The following MTA1 variants were observed in gnomAD, a reference collection of about 807,000 sequenced individuals.
MTA1 encodes metastasis associated 1, also known as metastasis-associated protein MTA1.
In MTA1, 15 loss-of-function variants were observed where a neutral mutation model predicts 97.0. The ratio of observed to expected loss-of-function variants is 0.15; its 90% CI spans 0.10 to 0.24. The LOEUF (loss-of-function observed/expected upper bound fraction) is 0.24, where lower values mean the gene tolerates loss of function less well. Among genes scored for constraint, MTA1 ranks in the 10% least tolerant of loss-of-function variants. The pLI is 1.00. For synonymous variants in MTA1, 435 were observed against 417.5 expected (o/e 1.04, Z -0.51); for missense variants, 709 against 1,015.1 (o/e 0.70, Z 4.10).
chr14:105,433,330 G>A (rs7144207), intron 1 of MTA1, among the ~76,000 whole-genome samples: 96,271 of 152,008 alleles, frequency 0.63, 34,385 homozygotes, highest in Non-Finnish European at 0.81. Flanking sequence ...GCTGAGCACC[G>A]GTGTGGCTGC....
intron 18 of MTA1, chr14:105,468,325 A>G: frequency 1.5e-6 from 2 of 1,304,128 alleles, no homozygotes. Flanking sequence ...TCTGCTGTCC[A>G]CCGCTCTGGT....
At chr14:105,441,773 G>T (rs587729119) in intron 2 of MTA1, among the ~76,000 whole-genome samples, 3 of 152,202 alleles carry the variant, frequency 2.0e-5, no homozygotes, top group East Asian at 3.9e-4. Context: ...CAGCCTGGGC[G>T]ACAGAGCGAG....
intron 14 of MTA1, 52 bp downstream of exon 14, chr14:105,464,619 G>A (rs782299063): frequency 2.5e-6 from 4 of 1,609,528 alleles, no homozygotes; most frequent in Non-Finnish European, 3.4e-6. Context: ...GGCCACGCGG[G>A]TCCTCGGCCC....
Position 105,460,374 on chromosome 14 carries a change from G to A in MTA1, c.670G>A (p.Ala224Thr). Residue 224 changes from alanine (A) to threonine (T), a missense_variant, in exon 9 of 21, where the codon GCA becomes ACA. Around this residue, in one of 2 missense-constraint regions of MTA1, gnomAD observed 321 missense variants for 593.5 expected, o/e 0.54. Transcript: ENST00000331320. Reference sequence around the variant, plus strand: ...TTTCCCCAGCTCTGTGGGCACCTTCGCACGGGCCCTGGACTGCAGCAGCTC... The same window carrying A: ...TTTCCCCAGCTCTGTGGGCACCTTCACACGGGCCCTGGACTGCAGCAGCTC... ...LVVARSVGTF[A>T]RALDCSSSVR... The A allele has an allele frequency of 6.2e-7, 1 of 1,610,552 alleles. No individual in the cohort carries two copies. Among genetic ancestry groups the A allele is most frequent in the Non-Finnish European group, 8.5e-7 (1 of 1,178,778 alleles).
intron 10 of MTA1, among the ~76,000 whole-genome samples, chr14:105,461,952 G>A (rs1482721796): frequency 6.6e-6 from 1 of 152,216 alleles, no homozygotes; most frequent in Non-Finnish European, 1.5e-5. Flanking sequence ...GAGGACGAGG[G>A]CTAGAAACAA....
In MTA1 at chr14:105,460,760, C is replaced by A; in HGVS notation, c.754-5C>A. The A allele has an allele frequency of 6.4e-7, 1 of 1,567,312 alleles. No homozygotes were observed. Among genetic ancestry groups the A allele is most frequent in the Non-Finnish European group, 8.7e-7 (1 of 1,154,826 alleles). The stretch of plus-strand genomic sequence containing the variant: ...CCCGGGTGACCCTGCTGTCTCCTGC[C>A]GCAGTTCCACGCCATGGATACTCTC... On this transcript the variant is annotated splice_region_variant and splice_polypyrimidine_tract_variant and intron_variant, in intron 9 of 20. Coordinates refer to ENST00000331320, the MANE Select transcript of MTA1 (RefSeq NM_004689.4).
In MTA1 at chr14:105,463,327, C is replaced by T. The variant is rs2083434672; in HGVS notation, c.1017+69C>T. The T allele has an allele frequency of 6.4e-7, 1 of 1,572,520 alleles. No individual in the cohort carries two copies. The highest frequency in any genetic ancestry group is 1.7e-5 in the Admixed American group (1 of 59,814). On this transcript the variant is annotated intron_variant, in intron 11 of 20. Transcript: ENST00000331320. The surrounding 1 kb of genome is among the most constrained non-coding windows in gnomAD (Gnocchi z 5.9). ...CGTCCTGCGCCCCATCCTCTCCCAG[C>T]AGGTGGGCGTGCACTGCTGCAGCAG...
At chr14:105,451,888 T>TCAAGCGATTCTCCTGTCTC (rs2082957007) in intron 6 of MTA1, among the ~76,000 whole-genome samples, 1 of 150,484 alleles carries the variant, frequency 6.6e-6, no homozygotes, top group Non-Finnish European at 1.5e-5. Context: ...CCTCCCGGGT[T>TCAAGCGATTCTCCTGTCTC]CAAGCGATTC....
chr14:105,467,335 A>C, intron 18 of MTA1: 1 of 444,564 alleles, frequency 2.2e-6, no homozygotes, highest in Admixed American at 2.4e-5. Flanking sequence ...TGGGCCTGCC[A>C]GTGTGGATGT....
chr14:105,469,426 G>C, intron 18 of MTA1, 41 bp from the exon 19 acceptor site: 1 of 1,609,758 alleles, frequency 6.2e-7, no homozygotes, highest in Non-Finnish European at 8.5e-7. Flanking sequence ...TGCAGGACGC[G>C]CTCTCTCGGG....
chr14:105,450,798 C>T (rs1457336634), intron 6 of MTA1, among the ~76,000 whole-genome samples: 1 of 152,206 alleles, frequency 6.6e-6, no homozygotes, highest in Non-Finnish European at 1.5e-5. Flanking sequence ...CGTATAGCAT[C>T]CCCCAAGGCG....
At position 105,463,270 on chromosome 14, in the gene MTA1, C is replaced by A. The variant is rs781916227; in HGVS notation, c.1017+12C>A. 2 of 1,610,594 alleles carry A rather than the reference C, an allele frequency of 1.2e-6. No individual in the cohort carries two copies. The highest frequency in any genetic ancestry group is 2.2e-5 in the South Asian group (2 of 91,028). ...GATACGTGCAGCAGGTGAGCCCGCC[C>A]GCCACTCAGTGCCCGGGGTGTGCCG... On this transcript the variant is annotated intron_variant, in intron 11 of 20. Transcript: ENST00000331320. The surrounding 1 kb of genome is among the most constrained non-coding windows in gnomAD (Gnocchi z 5.9).
intron 8 of MTA1, among the ~76,000 whole-genome samples, chr14:105,458,598 C>T (rs2083242903): frequency 6.6e-6 from 1 of 152,184 alleles, no homozygotes; most frequent in South Asian, 2.1e-4. Context: ...GGGGGCAGGC[C>T]TGTGTGCCTG....
chr14:105,466,959 C>T (rs1048740169), intron 18 of MTA1: 32 of 589,238 alleles, frequency 5.4e-5, no homozygotes, highest in Non-Finnish European at 7.8e-5. Flanking sequence ...CCCCCTGGCC[C>T]CGCCTCCTGT....
Position 105,465,191 on chromosome 14 carries a change from G to A in MTA1, c.1624+8G>A. Reference sequence around the variant, plus strand: ...CCGTGCTTCGGTATCTTGGTGAGCAGCCAGGCGTGCTGGGGGGCTCCCAAT... The same window carrying A: ...CCGTGCTTCGGTATCTTGGTGAGCAACCAGGCGTGCTGGGGGGCTCCCAAT... On this transcript the variant is annotated splice_region_variant and intron_variant, in intron 16 of 20. Coordinates refer to ENST00000331320, the MANE Select transcript of MTA1 (RefSeq NM_004689.4). 2 of 1,512,418 alleles carry A rather than the reference G, an allele frequency of 1.3e-6. No individual in the cohort carries two copies. Among genetic ancestry groups the A allele is most frequent in the Non-Finnish European group, 1.8e-6 (2 of 1,122,786 alleles). 93.7% of individuals were successfully genotyped at this position (1,512,418 alleles called of 1,614,324 possible). A position where few individuals can be genotyped will look rare whatever the true frequency, so the allele number is the denominator to read the frequency against.
intron 10 of MTA1, among the ~76,000 whole-genome samples, chr14:105,462,296 C>T (rs987111585): frequency 4.6e-5 from 7 of 152,174 alleles, no homozygotes; most frequent in Non-Finnish European, 8.8e-5. Flanking sequence ...ACAGCCCGGG[C>T]GCAGTGGCTC....
chr14:105,454,511 G>C lies in MTA1; in HGVS notation c.550+201G>C, dbSNP rs1305644155. On this transcript the variant is annotated intron_variant, in intron 7 of 20. Transcript: ENST00000331320. ...GAGCCTTCCCCCACCCACTCCTGGT[G>C]GTGTTGGGGTTCTGGGGAAGCCTCA... 4 of 510,130 alleles carry C rather than the reference G, an allele frequency of 7.8e-6. No individual in the cohort carries two copies. In the East Asian group the frequency reaches 1.4e-4, roughly 17 times the overall value. 31.6% of individuals were successfully genotyped at this position (510,130 alleles called of 1,614,324 possible). A position where few individuals can be genotyped will look rare whatever the true frequency, so the allele number is the denominator to read the frequency against.
At chr14:105,435,503 G>A (rs1555424207) in intron 1 of MTA1, among the ~76,000 whole-genome samples, 1 of 152,158 alleles carries the variant, frequency 6.6e-6, no homozygotes, top group Non-Finnish European at 1.5e-5. Context: ...GCCTAAGCTG[G>A]TCTCAAACTC....
chr14:105,451,864 C>T (rs898544816), intron 6 of MTA1, among the ~76,000 whole-genome samples: 18 of 144,330 alleles, frequency 1.2e-4, no homozygotes, highest in Middle Eastern at 3.6e-3. Flanking sequence ...GATCTCAGCT[C>T]ACTGCAACCT....
Sources: gnomAD v4.1 joint callset for allele counts (sites outside exome capture counted in the v4.1 genomes callset) on GRCh38, gnomAD v4.1.1 for gene constraint, gnomAD v4.1.1 regional missense constraint, Gnocchi (gnomAD v3.1) non-coding constraint, MANE v1.5 for transcripts, NCBI Gene and HGNC (gene_info 2026-07-23, HGNC 2026-07-21) for gene names.